Variants in RHBDD1 observed in about 807,000 individuals in gnomAD.
The protein encoded by RHBDD1 is rhomboid-related protein 4.
RHBDD1 carries 38 observed loss-of-function variants against 36.3 expected under a neutral mutation model. The ratio of observed to expected loss-of-function variants is 1.05; its 90% CI spans 0.81 to 1.37. The LOEUF (loss-of-function observed/expected upper bound fraction) is 1.37. RHBDD1 is among the 40% of genes most tolerant of loss of function. The pLI, the probability that RHBDD1 is intolerant of heterozygous loss-of-function variation, is 0.00. For synonymous variants in RHBDD1, 151 were observed against 136.5 expected (o/e 1.11, Z -0.74); for missense variants, 393 against 377.6 (o/e 1.04, Z -0.34).
intron 5 of RHBDD1, among the ~76,000 whole-genome samples, chr2:226,902,939 A>G (rs2125604468): frequency 6.6e-6 from 1 of 152,374 alleles, no homozygotes; most frequent in African/African-American, 2.4e-5. Flanking sequence ...ATTGTTTAAT[A>G]GGTTGAAGTT....
chr2:226,865,526 A>C (rs896847968), intron 4 of RHBDD1, among the ~76,000 whole-genome samples: 2 of 152,160 alleles, frequency 1.3e-5, no homozygotes, highest in African/African-American at 4.8e-5. Context: ...GAGACAGAGC[A>C]CACTCATCTG....
At chr2:226,817,478 G>A in the RHBDD1 span, among the ~76,000 whole-genome samples, 1 of 152,138 alleles carries the variant, frequency 6.6e-6, no homozygotes, top group African/African-American at 2.4e-5. Context: ...AACCCACTAA[G>A]GCATTAGCTA....
intron 8 of RHBDD1, among the ~76,000 whole-genome samples, chr2:226,973,021 T>A (rs1222251375): frequency 6.6e-6 from 1 of 152,104 alleles, no homozygotes; most frequent in East Asian, 1.9e-4. Flanking sequence ...AGGCCTGGAC[T>A]TCAAAGTAGA....
intron 8 of RHBDD1, among the ~76,000 whole-genome samples, chr2:226,922,619 A>G (rs1290422793): frequency 6.6e-6 from 1 of 151,970 alleles, no homozygotes; most frequent in Non-Finnish European, 1.5e-5. Context: ...ATTTAATGCT[A>G]TTATTGTTTA....
chr2:226,963,512 G>A (rs1952382696), intron 8 of RHBDD1, among the ~76,000 whole-genome samples: 1 of 152,194 alleles, frequency 6.6e-6, no homozygotes, highest in Non-Finnish European at 1.5e-5. Flanking sequence ...GGTGACCCCA[G>A]TGTTCTGAGT....
At chr2:226,907,700 G>T (rs1052299631) in intron 6 of RHBDD1, among the ~76,000 whole-genome samples, 3 of 152,188 alleles carry the variant, frequency 2.0e-5, no homozygotes, top group Admixed American at 6.5e-5. Context: ...TCCAGGCACT[G>T]CACTGGCACC....
chr2:226,894,411 C>T (rs1469415328), intron 5 of RHBDD1, among the ~76,000 whole-genome samples: 1 of 152,064 alleles, frequency 6.6e-6, no homozygotes, highest in Non-Finnish European at 1.5e-5. Context: ...CTGAGATTTA[C>T]AGGCGTGCAC....
chr2:226,830,276 C>T, the RHBDD1 span, among the ~76,000 whole-genome samples: 1 of 152,142 alleles, frequency 6.6e-6, no homozygotes, highest in Non-Finnish European at 1.5e-5. Context: ...GTTCTCCTTT[C>T]CACCATGTAA....
chr2:226,954,687 GGTA>G (rs1434939687), intron 8 of RHBDD1, among the ~76,000 whole-genome samples: 1 of 152,088 alleles, frequency 6.6e-6, no homozygotes, highest in Non-Finnish European at 1.5e-5. Context: ...GATTGATAAA[GGTA>G]GTTAAATTTG....
At chr2:226,955,554 G>A (rs2149242057) in intron 8 of RHBDD1, among the ~76,000 whole-genome samples, 1 of 152,304 alleles carries the variant, frequency 6.6e-6, no homozygotes, top group Non-Finnish European at 1.5e-5. Context: ...TCACAGTAAT[G>A]TATTTGCATG....
At chr2:226,931,444 T>A (rs1225243638) in intron 8 of RHBDD1, among the ~76,000 whole-genome samples, 1 of 151,850 alleles carries the variant, frequency 6.6e-6, no homozygotes, top group East Asian at 1.9e-4. Flanking sequence ...AAACTATGAG[T>A]ATGCAAAGAC....
chr2:226,844,168 C>A (rs913418136), intron 3 of RHBDD1, among the ~76,000 whole-genome samples: 4 of 152,202 alleles, frequency 2.6e-5, no homozygotes, highest in Admixed American at 2.6e-4. Context: ...TTGTTGGTCA[C>A]ATAGTTTCTC....
chr2:226,952,117 A>G (rs757790914), intron 8 of RHBDD1, among the ~76,000 whole-genome samples: 6 of 151,986 alleles, frequency 3.9e-5, no homozygotes, highest in Non-Finnish European at 8.8e-5. Flanking sequence ...CAAGCACTGG[A>G]ATTGCTCTAT....
chr2:226,876,985 G>C (rs1403656166), intron 5 of RHBDD1, among the ~76,000 whole-genome samples: 1 of 152,136 alleles, frequency 6.6e-6, no homozygotes, highest in Non-Finnish European at 1.5e-5. Context: ...ATTTGCTTCT[G>C]TGTTAACTCC....
intron 8 of RHBDD1, among the ~76,000 whole-genome samples, chr2:226,966,367 GC>G (rs1468145976): frequency 6.6e-6 from 1 of 152,124 alleles, no homozygotes; most frequent in East Asian, 1.9e-4. Flanking sequence ...CCTCCTAGGG[GC>G]CTCCTCAGTA....
At chr2:226,845,531 A>T (rs755693449) in intron 3 of RHBDD1, among the ~76,000 whole-genome samples, 1 of 152,214 alleles carries the variant, frequency 6.6e-6, no homozygotes, top group Admixed American at 6.5e-5. Flanking sequence ...GGCAAAAAGC[A>T]CTGGGACATT....
chr2:226,860,047 G>A (rs561595283), intron 3 of RHBDD1, among the ~76,000 whole-genome samples: 12 of 152,296 alleles, frequency 7.9e-5, no homozygotes, highest in African/African-American at 2.9e-4. Flanking sequence ...AAAACTTGAT[G>A]GATAGGATTT....
At chr2:226,887,832 G>T (rs1052536281) in intron 5 of RHBDD1, among the ~76,000 whole-genome samples, 1 of 152,204 alleles carries the variant, frequency 6.6e-6, no homozygotes. Context: ...AATTAAAAAT[G>T]AATACTATCT....
At chr2:226,972,955 A>G (rs1953865132) in intron 8 of RHBDD1, among the ~76,000 whole-genome samples, 2 of 150,462 alleles carry the variant, frequency 1.3e-5, no homozygotes, top group Non-Finnish European at 3.0e-5. Context: ...ACAAAAAACC[A>G]TGCAGGTTCC....
Sources: gnomAD v4.1 joint callset for allele counts (sites outside exome capture counted in the v4.1 genomes callset) on GRCh38, gnomAD v4.1.1 for gene constraint, MANE v1.5 for transcripts, NCBI Gene and HGNC (gene_info 2026-07-23, HGNC 2026-07-21) for gene names.